Variants in ENKUR observed in about 807,000 individuals in gnomAD.
The protein encoded by ENKUR is enkurin, TRPC channel interacting protein.
ENKUR carries 19 observed loss-of-function variants against 27.6 expected under a neutral mutation model. The ratio of observed to expected loss-of-function variants is 0.69; its 90% CI spans 0.48 to 1.01. ENKUR has a LOEUF of 1.01. Among genes scored for constraint, ENKUR ranks in the 50% least tolerant of loss-of-function variants. The probability of loss-of-function intolerance (pLI) is 0.00; values close to 1 mark genes in which losing one functional copy is unlikely to be tolerated. For missense variants in ENKUR, 312 were observed against 310.5 expected, an observed-to-expected ratio of 1.00 and a Z score of -0.04; for synonymous variants, 117 against 96.9, an observed-to-expected ratio of 1.21 and a Z score of -1.22.
At chr10:25,033,974 A>G (rs942280725) in intron 2 of ENKUR, among the ~76,000 whole-genome samples, 7 of 152,278 alleles carry the variant, frequency 4.6e-5, no homozygotes, top group Admixed American at 4.6e-4. Flanking sequence ...TAAAGAAACT[A>G]AAAAGAGAAC....
chr10:24,985,228 A>G (rs1242890703), intron 4 of ENKUR, among the ~76,000 whole-genome samples: 2 of 152,214 alleles, frequency 1.3e-5, no homozygotes, highest in East Asian at 1.9e-4. Context: ...CAGCAAATGC[A>G]TGGGTAAAAA....
intron 2 of ENKUR, among the ~76,000 whole-genome samples, chr10:25,039,411 C>T (rs941488990): frequency 1.3e-5 from 2 of 152,076 alleles, no homozygotes; most frequent in East Asian, 3.9e-4. Context: ...AGTACCCCAT[C>T]TCTACAAAAA....
At chr10:25,028,333 G>T (rs1334306357) in intron 2 of ENKUR, among the ~76,000 whole-genome samples, 1 of 152,068 alleles carries the variant, frequency 6.6e-6, no homozygotes, top group Non-Finnish European at 1.5e-5. Context: ...CACACCTCAG[G>T]CTTCCCATCA....
At chr10:25,000,747 G>T (rs566590526) in intron 1 of ENKUR, among the ~76,000 whole-genome samples, 3 of 152,088 alleles carry the variant, frequency 2.0e-5, no homozygotes, top group Non-Finnish European at 4.4e-5. Flanking sequence ...CTTTTGTTTG[G>T]TATGTTTATA....
At chr10:25,024,789 G>A in intron 2 of ENKUR, 5 of 1,614,170 alleles carry the variant, frequency 3.1e-6, no homozygotes, top group Non-Finnish European at 4.2e-6. Context: ...ATGCCAAAAT[G>A]ATGGGAATCC....
chr10:25,015,476 C>T (rs1303547138), intron 1 of ENKUR, among the ~76,000 whole-genome samples: 2 of 152,048 alleles, frequency 1.3e-5, no homozygotes, highest in Non-Finnish European at 2.9e-5. Context: ...AATACAACAC[C>T]GAACTCCTGA....
At position 24,994,534 on chromosome 10, in the gene ENKUR, A is replaced by G. The variant is rs1390072358; in HGVS notation, c.447+1112T>C. Among the ~76,000 whole-genome samples the G allele has an allele frequency of 2.6e-5, 4 of 151,614 alleles. No individual in the cohort carries two copies. In the South Asian group the frequency reaches 8.3e-4, roughly 32 times the overall value. On this transcript the variant is annotated intron_variant, in intron 3 of 5. Transcript: ENST00000331161. ...TTTTTAGTAGAGATGGGGTGTCACC[A>G]TGTTGGCCAAGATGGACTTGAACTC...
chr10:25,024,054 C>A (rs139320391), intron 2 of ENKUR: 9 of 1,614,064 alleles, frequency 5.6e-6, no homozygotes, highest in Admixed American at 3.3e-5. Flanking sequence ...AATTAAGCTG[C>A]GGGGAGTGGA....
chr10:25,025,221 C>A (rs780518777), intron 2 of ENKUR: 3 of 1,614,112 alleles, frequency 1.9e-6, no homozygotes, highest in South Asian at 2.2e-5. Context: ...CATCTACAGC[C>A]CATTACTCAA....
chr10:25,037,975 G>A (rs1251598115), intron 2 of ENKUR, among the ~76,000 whole-genome samples: 9 of 152,134 alleles, frequency 5.9e-5, no homozygotes, highest in Non-Finnish European at 1.0e-4. Flanking sequence ...GCTTCATTCT[G>A]ATAACTAGCA....
chr10:25,033,238 T>C (rs1305928616), intron 2 of ENKUR, among the ~76,000 whole-genome samples: 1 of 151,780 alleles, frequency 6.6e-6, no homozygotes, highest in Non-Finnish European at 1.5e-5. Context: ...GAGACCTCTC[T>C]ACAAAAATTT....
intron 2 of ENKUR, chr10:25,025,116 C>T (rs1850821112): frequency 1.2e-6 from 2 of 1,614,068 alleles, no homozygotes; most frequent in East Asian, 2.2e-5. Context: ...TTAACTCCAC[C>T]TATAATACTT....
intron 2 of ENKUR, among the ~76,000 whole-genome samples, chr10:25,032,262 CTT>C (rs2066578635): frequency 6.7e-6 from 1 of 148,868 alleles, no homozygotes; most frequent in Non-Finnish European, 1.5e-5. Context: ...CTTTTAGCCT[CTT>C]TAGGCTTCCT....
intron 2 of ENKUR, among the ~76,000 whole-genome samples, chr10:25,050,466 A>AG (rs1851174809): frequency 6.6e-6 from 1 of 152,180 alleles, no homozygotes; most frequent in Non-Finnish European, 1.5e-5. Context: ...GAGCATGTGC[A>AG]GGGGAACTGC....
intron 2 of ENKUR, chr10:25,021,624 C>T (rs1233008828): frequency 1.3e-5 from 2 of 152,068 alleles, no homozygotes; most frequent in African/African-American, 2.4e-5. Flanking sequence ...TGAAAAGGGT[C>T]AATTTTTCTG....
intron 4 of ENKUR, among the ~76,000 whole-genome samples, chr10:24,989,694 C>G (rs1342890661): frequency 6.6e-6 from 1 of 152,134 alleles, no homozygotes; most frequent in Admixed American, 6.5e-5. Flanking sequence ...GAAGTTGTAA[C>G]AGCATATGAA....
At chr10:25,002,664 C>T (rs554083105) in intron 1 of ENKUR, among the ~76,000 whole-genome samples, 3 of 152,220 alleles carry the variant, frequency 2.0e-5, no homozygotes, top group East Asian at 1.9e-4. Flanking sequence ...TCAGCTATAC[C>T]GCTTTTGTAA....
intron 1 of ENKUR, among the ~76,000 whole-genome samples, chr10:25,007,368 G>C (rs1850335573): frequency 6.6e-6 from 1 of 152,170 alleles, no homozygotes. Flanking sequence ...TGAAATGCCA[G>C]AGAGGTGTGC....
chr10:25,045,529 A>G (rs985691834), intron 2 of ENKUR, among the ~76,000 whole-genome samples: 1 of 152,218 alleles, frequency 6.6e-6, no homozygotes, highest in Non-Finnish European at 1.5e-5. Flanking sequence ...AAATATAAAC[A>G]TCTAAGTTTT....
Sources: allele counts gnomAD v4.1 joint callset (sites outside exome capture counted in the v4.1 genomes callset), GRCh38; gene constraint gnomAD v4.1.1; transcripts MANE v1.5; gene names NCBI Gene and HGNC (gene_info 2026-07-23, HGNC 2026-07-21).